ST7: variants seen among roughly 807,000 people sequenced by gnomAD.
ST7 encodes suppression of tumorigenicity 7, also known as suppressor of tumorigenicity 7 protein.
Under a neutral mutation model 78.7 loss-of-function variants are expected in ST7, and 28 were observed. The observed-to-expected ratio is 0.36, with a 90% CI of 0.26 to 0.49. The LOEUF (loss-of-function observed/expected upper bound fraction) is 0.49, where lower values mean the gene tolerates loss of function less well. Among genes scored for constraint, ST7 ranks in the 20% least tolerant of loss-of-function variants. The probability of loss-of-function intolerance (pLI) is 0.99; values close to 1 mark genes in which losing one functional copy is unlikely to be tolerated. For missense variants in ST7, 418 were observed against 696.0 expected (o/e 0.60, Z 4.49); for synonymous variants, 247 against 249.6 (o/e 0.99, Z 0.10).
chr7:117,085,207 A>G (rs1021836329), intron 1 of ST7, among the ~76,000 whole-genome samples: 3 of 152,144 alleles, frequency 2.0e-5, no homozygotes, highest in Non-Finnish European at 4.4e-5. Context: ...ACTCTCCCCA[A>G]TACTCTGCAA....
chr7:117,153,915 A>G (rs542061085), intron 9 of ST7, among the ~76,000 whole-genome samples: 7 of 152,326 alleles, frequency 4.6e-5, no homozygotes, highest in Admixed American at 3.9e-4. Flanking sequence ...AGACCTGAGC[A>G]TGTGCCAGTG....
intron 13 of ST7, among the ~76,000 whole-genome samples, chr7:117,217,870 T>C (rs1304545624): frequency 1.3e-5 from 2 of 152,240 alleles, no homozygotes; most frequent in Non-Finnish European, 2.9e-5. Context: ...CACTGCGGTG[T>C]AGATTGACTG....
At chr7:117,144,633 C>CA (rs535930435) in intron 9 of ST7, among the ~76,000 whole-genome samples, 12,257 of 103,604 alleles carry the variant, frequency 0.12, 855 homozygotes, top group East Asian at 0.24. Context: ...ACCCTGTCTC[C>CA]AAAAAAAAAA....
chr7:117,125,255 T>C (rs1281500074), intron 3 of ST7, among the ~76,000 whole-genome samples: 1 of 152,078 alleles, frequency 6.6e-6, no homozygotes, highest in African/African-American at 2.4e-5. Context: ...CCACATTATT[T>C]GGTAGGGTTG....
intron 1 of ST7, among the ~76,000 whole-genome samples, chr7:116,961,942 C>T (rs533282303): frequency 1.2e-4 from 18 of 151,992 alleles, no homozygotes; most frequent in African/African-American, 3.9e-4. Flanking sequence ...CTCACCCCCC[C>T]ACCCCCTGAC....
chr7:116,959,515 G>C (rs1792711042), intron 1 of ST7: 3 of 286,542 alleles, frequency 1.0e-5, no homozygotes, highest in South Asian at 1.0e-4. Context: ...GAATATCCAA[G>C]TTACGGTGTA....
At chr7:117,168,590 G>T (rs1807740918) in intron 9 of ST7, among the ~76,000 whole-genome samples, 1 of 152,176 alleles carries the variant, frequency 6.6e-6, no homozygotes, top group Non-Finnish European at 1.5e-5. Flanking sequence ...CAGAACATCA[G>T]CAATGTGTGG....
chr7:117,159,357 G>T (rs556406981), intron 9 of ST7, among the ~76,000 whole-genome samples: 1 of 152,282 alleles, frequency 6.6e-6, no homozygotes, highest in East Asian at 1.9e-4. Context: ...CCCATCCCAT[G>T]TTCTTCCCCA....
At position 117,209,915 on chromosome 7, in the gene ST7, T is replaced by G; in HGVS notation, c.1383T>G (p.Leu461=). The change falls in exon 13 of 16, where the codon CTT becomes CTG. Residue 461 remains leucine, a synonymous_variant. Transcript: ENST00000323984. The part of the protein sequence containing the change: ...HWKRVEGALN[L]LHCTWEGTFR... Reference sequence around the variant, plus strand: ...AGAGAGTGGAAGGGGCTTTGAATCTTTTGCATTGTACGTGGGAAGGCAGTA... The same window carrying G: ...AGAGAGTGGAAGGGGCTTTGAATCTGTTGCATTGTACGTGGGAAGGCAGTA... The G allele has an allele frequency of 6.2e-7, 1 of 1,613,750 alleles. No homozygotes were observed. Among genetic ancestry groups the G allele is most frequent in the African/African-American group, 1.3e-5 (1 of 75,048 alleles).
intron 15 of ST7, among the ~76,000 whole-genome samples, chr7:117,227,252 G>A (rs1433239776): frequency 1.3e-5 from 2 of 152,202 alleles, no homozygotes; most frequent in African/African-American, 2.4e-5. Context: ...GCTGGCTCAT[G>A]TTCAGCAGTT....
chr7:116,992,458 AG>A (rs1356208068), intron 1 of ST7, among the ~76,000 whole-genome samples: 2 of 152,172 alleles, frequency 1.3e-5, no homozygotes, highest in Non-Finnish European at 2.9e-5. Context: ...CCATGGCCTG[AG>A]CTTTATACTG....
chr7:117,098,072 A>G (rs1484634493), intron 1 of ST7, among the ~76,000 whole-genome samples: 1 of 150,884 alleles, frequency 6.6e-6, no homozygotes, highest in Non-Finnish European at 1.5e-5. Flanking sequence ...GACTGAACAC[A>G]TTGTGTTAGT....
chr7:117,204,327 A>G (rs1051568577), intron 12 of ST7, among the ~76,000 whole-genome samples: 2 of 152,244 alleles, frequency 1.3e-5, no homozygotes, highest in Admixed American at 1.3e-4. Flanking sequence ...ATATTACATA[A>G]TCTTCAAAAA....
At chr7:117,097,897 TATATA>T (rs1563078830) in intron 1 of ST7, among the ~76,000 whole-genome samples, 6 of 27,746 alleles carry the variant, frequency 2.2e-4, no homozygotes, top group South Asian at 1.2e-3. Context: ...TATATATATA[TATATA>T]TATATATTTT....
chr7:117,040,261 G>A (rs1797137983), intron 1 of ST7, among the ~76,000 whole-genome samples: 2 of 152,052 alleles, frequency 1.3e-5, no homozygotes, highest in East Asian at 1.9e-4. Context: ...AATCCCAGCT[G>A]TTTGGGAGGC....
chr7:117,113,122 T>C (rs1584695285), intron 2 of ST7, among the ~76,000 whole-genome samples: 1 of 152,360 alleles, frequency 6.6e-6, no homozygotes, highest in East Asian at 1.9e-4. Flanking sequence ...TTGAGAGACT[T>C]GAAAGTCATA....
At chr7:117,081,943 G>C (rs1799813820) in intron 1 of ST7, among the ~76,000 whole-genome samples, 2 of 152,060 alleles carry the variant, frequency 1.3e-5, no homozygotes, top group African/African-American at 2.4e-5. Context: ...GATTTTGGGG[G>C]CTGGCTAGGC....
At chr7:116,959,135 C>G (rs760705633) in intron 1 of ST7, 10 of 460,460 alleles carry the variant, frequency 2.2e-5, no homozygotes, top group African/African-American at 2.0e-4. Context: ...TATTCTAAAT[C>G]CTTTGTTGTC....
Position 117,020,754 on chromosome 7 carries a change from C to G in ST7, c.151+67063C>G, listed in dbSNP as rs1795857639. The stretch of plus-strand genomic sequence containing the variant: ...AACCTTTGTATTTTGGCTCTAATTA[C>G]AAAGGAATTGGTCTCAGGGAAGGAA... On this transcript the variant is annotated intron_variant, in intron 1 of 15. Transcript: ENST00000323984. 6 of 1,362,474 alleles carry G rather than the reference C, an allele frequency of 4.4e-6. No homozygotes were observed. The Admixed American group carries it at 1.4e-4, about 31-fold the overall frequency. The allele number at this position is 1,362,474 out of a possible 1,614,324, so 84.4% of individuals were successfully genotyped here. A position where few individuals can be genotyped will look rare whatever the true frequency, so the allele number is the denominator to read the frequency against.
Sources: gnomAD v4.1 joint callset for allele counts (sites outside exome capture counted in the v4.1 genomes callset) on GRCh38, gnomAD v4.1.1 for gene constraint, MANE v1.5 for transcripts, NCBI Gene and HGNC (gene_info 2026-07-23, HGNC 2026-07-21) for gene names.